TLL2: variants seen among roughly 807,000 people sequenced by gnomAD.
TLL2 encodes tolloid like 2.
Under a neutral mutation model 123.0 loss-of-function variants are expected in TLL2, and 106 were observed. The observed-to-expected ratio is 0.86, with a 90% CI of 0.74 to 1.01. The LOEUF is 1.01. TLL2 is among the 50% of genes least tolerant of loss of function. The pLI is 0.00. For missense variants in TLL2, 1,332 were observed against 1,336.7 expected (o/e 1.00, Z 0.06); for synonymous variants, 494 against 516.8 (o/e 0.96, Z 0.60).
In TLL2 at chr10:96,365,455, C is replaced by A. The variant is rs937878881; in HGVS notation, c.*2633G>T. The A allele has an allele frequency of 6.6e-6, 1 of 152,208 alleles. No homozygotes were observed. The highest frequency in any genetic ancestry group is 1.5e-5 in the Non-Finnish European group (1 of 68,056). The allele number at this position is 152,208 out of a possible 1,614,324, so 9.4% of individuals were successfully genotyped here. A position where few individuals can be genotyped will look rare whatever the true frequency, so the allele number is the denominator to read the frequency against. ...ACGGAGCCAGGCTAAAAACCCAGAC[C>A]CCAAATCCTTCATTAGCCTGTTGTC... On this transcript the variant is annotated 3_prime_UTR_variant, in exon 21 of 21. Transcript: ENST00000357947.
At position 96,366,453 on chromosome 10, in the gene TLL2, A is replaced by G. The variant is rs1390243492; in HGVS notation, c.*1635T>C. ...TGATCTTTTACATACATACATATATACAGACATATATTATTAATAATACTT... is the reference window on the plus strand; with the variant it reads ...TGATCTTTTACATACATACATATATGCAGACATATATTATTAATAATACTT... On this transcript the variant is annotated 3_prime_UTR_variant, in exon 21 of 21. Coordinates refer to ENST00000357947, the MANE Select transcript of TLL2 (RefSeq NM_012465.4). 2 of 152,682 alleles carry G rather than the reference A, an allele frequency of 1.3e-5. No individual in the cohort carries two copies. Among genetic ancestry groups the G allele is most frequent in the Non-Finnish European group, 2.9e-5 (2 of 68,046 alleles). The allele number at this position is 152,682 out of a possible 1,614,324, so 9.5% of individuals were successfully genotyped here. A position where few individuals can be genotyped will look rare whatever the true frequency, so the allele number is the denominator to read the frequency against.
intron 1 of TLL2, among the ~76,000 whole-genome samples, chr10:96,500,144 C>CAAAAAAAAA (rs57153896): frequency 1.7e-4 from 20 of 120,782 alleles, no homozygotes; most frequent in East Asian, 1.0e-3. Context: ...AAATCTCTAC[C>CAAAAAAAAA]AAAAAAAAAA....
intron 2 of TLL2, among the ~76,000 whole-genome samples, chr10:96,462,588 T>A (rs1847091887): frequency 6.6e-6 from 1 of 152,202 alleles, no homozygotes; most frequent in Non-Finnish European, 1.5e-5. Context: ...CATGTAGTGC[T>A]CTATACTATA....
chr10:96,396,593 TTTTTTTTG>T (rs1348796643), intron 11 of TLL2, among the ~76,000 whole-genome samples: 3 of 150,142 alleles, frequency 2.0e-5, no homozygotes, highest in Non-Finnish European at 4.5e-5. Flanking sequence ...TTTTTTTTTT[TTTTTTTTG>T]GTAGAGGGTA....
At chr10:96,476,888 A>G (rs1177801046) in intron 2 of TLL2, among the ~76,000 whole-genome samples, 1 of 151,902 alleles carries the variant, frequency 6.6e-6, no homozygotes, top group Non-Finnish European at 1.5e-5. Flanking sequence ...ACACACACAC[A>G]CACACACACG....
chr10:96,384,438 G>A, intron 16 of TLL2, 149 bp downstream of exon 16: 1 of 702,320 alleles, frequency 1.4e-6, no homozygotes, highest in East Asian at 3.1e-5. Flanking sequence ...AAAAGCCCTG[G>A]ATCTGGCACG....
At chr10:96,502,773 C>G (rs545348691) in intron 1 of TLL2, among the ~76,000 whole-genome samples, 1 of 152,076 alleles carries the variant, frequency 6.6e-6, no homozygotes, top group Non-Finnish European at 1.5e-5. Flanking sequence ...GGACTCACAT[C>G]GACTCCAGGC....
At chr10:96,440,676 C>G (rs1326919629) in intron 3 of TLL2, among the ~76,000 whole-genome samples, 1 of 152,194 alleles carries the variant, frequency 6.6e-6, no homozygotes, top group East Asian at 1.9e-4. Flanking sequence ...TTATAAGGGT[C>G]TGTTTTATGC....
intron 10 of TLL2, among the ~76,000 whole-genome samples, chr10:96,404,717 T>TTA (rs150961423): frequency 6.2e-4 from 93 of 150,758 alleles, no homozygotes; most frequent in Admixed American, 8.6e-4. Context: ...AATGCCTGCA[T>TTA]TATATATATA....
chr10:96,387,145 C>A, intron 13 of TLL2, 67 bp from the exon 14 acceptor site: 1 of 1,582,174 alleles, frequency 6.3e-7, no homozygotes, highest in East Asian at 2.3e-5. Flanking sequence ...CCAACCCTTG[C>A]ATATCCCAGT....
At chr10:96,433,805 G>C (rs935716591) in intron 3 of TLL2, among the ~76,000 whole-genome samples, 4 of 152,132 alleles carry the variant, frequency 2.6e-5, no homozygotes, top group African/African-American at 7.2e-5. Flanking sequence ...TATTGAGACA[G>C]AGTCTCACTC....
chr10:96,493,169 T>C (rs1847433098), intron 1 of TLL2, among the ~76,000 whole-genome samples: 1 of 152,140 alleles, frequency 6.6e-6, no homozygotes, highest in African/African-American at 2.4e-5. Context: ...TCATACCCAG[T>C]GTCAGGTGAG....
chr10:96,508,842 C>A (rs1847600080), intron 1 of TLL2, among the ~76,000 whole-genome samples: 1 of 152,098 alleles, frequency 6.6e-6, no homozygotes, highest in South Asian at 2.1e-4. Flanking sequence ...AATGACATCT[C>A]TCATTTCATG....
At chr10:96,423,082 C>T (rs1273810576) in intron 5 of TLL2, among the ~76,000 whole-genome samples, 1 of 147,690 alleles carries the variant, frequency 6.8e-6, no homozygotes, top group East Asian at 2.0e-4. Flanking sequence ...GAGCCAAGAT[C>T]ACGCCACTGC....
At chr10:96,476,248 T>TTTTTTG (rs1285354320) in intron 2 of TLL2, among the ~76,000 whole-genome samples, 14 of 69,216 alleles carry the variant, frequency 2.0e-4, no homozygotes, top group South Asian at 9.6e-4. Context: ...ATATTTTATT[T>TTTTTTG]TTGTTGTTGT....
chr10:96,439,014 A>T (rs942488933), intron 3 of TLL2, among the ~76,000 whole-genome samples: 11 of 151,272 alleles, frequency 7.3e-5, no homozygotes, highest in African/African-American at 2.7e-4. Context: ...CCACTGGGTT[A>T]TGCTGTATAA....
At position 96,455,467 on chromosome 10, in the gene TLL2, T is replaced by C. The variant is rs956700858; in HGVS notation, c.287-9299A>G. Among the ~76,000 whole-genome samples the C allele has an allele frequency of 2.0e-5, 3 of 152,108 alleles. No homozygotes were observed. In the East Asian group the frequency reaches 5.8e-4, roughly 29 times the overall value. On this transcript the variant is annotated intron_variant, in intron 2 of 20. Transcript: ENST00000357947. ...CATTCCCAGAAGGTTAAGGTGTTCT[T>C]AGTCACAGGATGAGATAGGAGGTCA...
Position 96,370,246 on chromosome 10 carries a change from T to C in TLL2, c.2732A>G (p.Asn911Ser), listed in dbSNP as rs1364474509. 3 of 1,613,186 alleles carry C rather than the reference T, an allele frequency of 1.9e-6. No individual in the cohort carries two copies. The highest frequency in any genetic ancestry group is 2.5e-6 in the Non-Finnish European group (3 of 1,179,548). Residue 911 changes from asparagine (N) to serine (S), a missense_variant, in exon 20 of 21, where the codon AAC (asparagine) becomes AGC (serine). Transcript: ENST00000357947. ...ACAGCGGGCCTCGCTCGGGTAGTTG[T>C]TGTCCCCAAACTGGGCGTGGGAATA... is the stretch of plus-strand genomic sequence containing the variant. ...ELYSHAQFGD[N>S]NYPSEARCDW...
intron 3 of TLL2, among the ~76,000 whole-genome samples, chr10:96,441,916 C>T (rs1846853984): frequency 6.6e-6 from 1 of 152,182 alleles, no homozygotes; most frequent in African/African-American, 2.4e-5. Context: ...CTGGTTCAAC[C>T]AGATTCCATT....
Sources: gnomAD v4.1 joint callset for allele counts (sites outside exome capture counted in the v4.1 genomes callset) on GRCh38, gnomAD v4.1.1 for gene constraint, MANE v1.5 for transcripts, NCBI Gene and HGNC (gene_info 2026-07-23, HGNC 2026-07-21) for gene names.